SLC39A10: variants seen among roughly 807,000 people sequenced by gnomAD.
SLC39A10 encodes the protein solute carrier family 39 member 10.
A neutral mutation model predicts 65.1 loss-of-function variants in SLC39A10; 13 were observed. The ratio of observed to expected loss-of-function variants is 0.20; its 90% CI spans 0.13 to 0.32. The LOEUF (loss-of-function observed/expected upper bound fraction) is 0.32. Ranked by LOEUF, SLC39A10 falls within the 10% of genes least tolerant of loss-of-function variation. The probability of loss-of-function intolerance (pLI) is 1.00; values close to 1 mark genes in which losing one functional copy is unlikely to be tolerated. For missense variants in SLC39A10, 831 were observed against 1,018.4 expected, an observed-to-expected ratio of 0.82 and a Z score of 2.50; for synonymous variants, 321 against 342.2, an observed-to-expected ratio of 0.94 and a Z score of 0.68.
chr2:195,710,212 A>G (rs1375703873), intron 5 of SLC39A10, among the ~76,000 whole-genome samples: 1 of 152,196 alleles, frequency 6.6e-6, no homozygotes, highest in African/African-American at 2.4e-5. Context: ...ACTATGATTT[A>G]TACTCCTCCC....
intron 3 of SLC39A10, among the ~76,000 whole-genome samples, chr2:195,697,949 A>G (rs568273754): frequency 6.6e-6 from 1 of 152,126 alleles, no homozygotes; most frequent in Non-Finnish European, 1.5e-5. Context: ...GTTAATTGCT[A>G]AGTATTTTAT....
Position 195,694,698 on chromosome 2 carries a change from G to A in SLC39A10, c.1216+10792G>A, listed in dbSNP as rs1438545629. Reference sequence around the variant, plus strand: ...TGTGAAGGTCCTTGATTTTAGTTTTGTTTGGCGCTCTGGTTTTGTGTTGGT... The same window carrying A: ...TGTGAAGGTCCTTGATTTTAGTTTTATTTGGCGCTCTGGTTTTGTGTTGGT... On this transcript the variant is annotated intron_variant, in intron 3 of 9. Transcript: ENST00000359634. Among the ~76,000 whole-genome samples, 11 of 152,302 alleles carry A rather than the reference G, an allele frequency of 7.2e-5. 1 individual carries two copies. The South Asian group carries it at 1.9e-3, about 26-fold the overall frequency.
At chr2:195,669,834 A>G (rs1044973835) in intron 1 of SLC39A10, among the ~76,000 whole-genome samples, 2 of 152,124 alleles carry the variant, frequency 1.3e-5, no homozygotes, top group African/African-American at 4.8e-5. Context: ...GCTCATCTCT[A>G]TATGAAAAAT....
chr2:195,631,056 G>A (rs1006291090), intron 2 of SLC39A10, among the ~76,000 whole-genome samples: 9 of 152,102 alleles, frequency 5.9e-5, no homozygotes, highest in Non-Finnish European at 1.3e-4. Context: ...AGGCACGGTG[G>A]CAGGCACCTG....
At chr2:195,641,612 A>G (rs954425381) in intron 2 of SLC39A10, among the ~76,000 whole-genome samples, 4 of 151,808 alleles carry the variant, frequency 2.6e-5, no homozygotes, top group Non-Finnish European at 5.9e-5. Context: ...TCACATGTCA[A>G]TTTAGACTAG....
At chr2:195,712,525 A>C (rs2105819441) in intron 5 of SLC39A10, among the ~76,000 whole-genome samples, 1 of 152,356 alleles carries the variant, frequency 6.6e-6, no homozygotes, top group Non-Finnish European at 1.5e-5. Flanking sequence ...AAAACCAGCA[A>C]CAAAAAAATG....
intron 1 of SLC39A10, among the ~76,000 whole-genome samples, chr2:195,676,437 A>T (rs1189262760): frequency 1.3e-5 from 2 of 151,872 alleles, no homozygotes; most frequent in Non-Finnish European, 1.5e-5. Flanking sequence ...TTTCATCATG[A>T]TATGTGCTTT....
intron 1 of SLC39A10, among the ~76,000 whole-genome samples, chr2:195,674,202 A>G (rs1689986917): frequency 1.3e-5 from 2 of 152,142 alleles, no homozygotes; most frequent in Admixed American, 6.5e-5. Flanking sequence ...TAAATATACC[A>G]TATTTATTTA....
chr2:195,713,166 A>G (rs1206816536), intron 5 of SLC39A10, among the ~76,000 whole-genome samples: 2 of 152,356 alleles, frequency 1.3e-5, no homozygotes, highest in Non-Finnish European at 2.9e-5. Flanking sequence ...GTTGCATCTA[A>G]TAATTCAGTA....
intron 1 of SLC39A10, among the ~76,000 whole-genome samples, chr2:195,659,863 TCCC>T (rs2105727413): frequency 6.6e-6 from 1 of 152,242 alleles, no homozygotes; most frequent in Non-Finnish European, 1.5e-5. Context: ...CTCCCTCCAC[TCCC>T]TCCTTGACTA....
At chr2:195,621,018 G>T (rs1214262525) in intron 2 of SLC39A10, among the ~76,000 whole-genome samples, 1 of 152,156 alleles carries the variant, frequency 6.6e-6, no homozygotes, top group Non-Finnish European at 1.5e-5. Context: ...TAAATAGAGG[G>T]TTCAAGAGTC....
chr2:195,616,812 C>G (rs1339275911), intron 2 of SLC39A10, among the ~76,000 whole-genome samples: 1 of 152,092 alleles, frequency 6.6e-6, no homozygotes, highest in Admixed American at 6.6e-5. Context: ...ACCATGTTAG[C>G]CAGGATGGTC....
At chr2:195,719,079 T>G (rs1691922397) in intron 8 of SLC39A10, among the ~76,000 whole-genome samples, 1 of 152,098 alleles carries the variant, frequency 6.6e-6, no homozygotes. Flanking sequence ...AAATGTTTTC[T>G]TGTTTATTGA....
chr2:195,642,581 C>T (rs1255567037), intron 2 of SLC39A10, among the ~76,000 whole-genome samples: 1 of 152,104 alleles, frequency 6.6e-6, no homozygotes, highest in African/African-American at 2.4e-5. Flanking sequence ...TAACCAAAGC[C>T]CTGGGATTGG....
chr2:195,679,079 C>G (rs1690205583), intron 1 of SLC39A10, among the ~76,000 whole-genome samples: 3 of 152,126 alleles, frequency 2.0e-5, no homozygotes, highest in South Asian at 4.1e-4. Context: ...AAAACATAGT[C>G]AGGGTGACTG....
chr2:195,667,951 T>C (rs1689699765), intron 1 of SLC39A10, among the ~76,000 whole-genome samples: 1 of 152,262 alleles, frequency 6.6e-6, no homozygotes, highest in South Asian at 2.1e-4. Flanking sequence ...TTTGTTCTTA[T>C]AGTTACCATA....
At chr2:195,718,386 A>G in intron 8 of SLC39A10, 54 bp downstream of exon 8, 1 of 1,324,090 alleles carries the variant, frequency 7.6e-7, no homozygotes, top group Non-Finnish European at 1.1e-6. Flanking sequence ...GACTTCCTTA[A>G]TTGTAATTGC....
At chr2:195,687,547 A>G (rs1381764546) in intron 3 of SLC39A10, among the ~76,000 whole-genome samples, 1 of 152,228 alleles carries the variant, frequency 6.6e-6, no homozygotes, top group Non-Finnish European at 1.5e-5. Flanking sequence ...TATGTTACTA[A>G]TAGTGAATAT....
chr2:195,671,120 T>C (rs2375525), intron 1 of SLC39A10, among the ~76,000 whole-genome samples: 152,007 of 152,364 alleles, frequency 1, 75,832 homozygotes, highest in Middle Eastern at 1. Context: ...CTTCACTACA[T>C]ATTTAGTTCT....
Sources: allele counts gnomAD v4.1 joint callset (sites outside exome capture counted in the v4.1 genomes callset), GRCh38; gene constraint gnomAD v4.1.1; transcripts MANE v1.5; gene names NCBI Gene and HGNC (gene_info 2026-07-23, HGNC 2026-07-21).